Variants in TBX4 observed in about 807,000 individuals in gnomAD.
The protein encoded by TBX4 is T-box transcription factor 4.
Under a neutral mutation model 54.6 loss-of-function variants are expected in TBX4, and 13 were observed. The observed-to-expected ratio is 0.24, with a 90% CI of 0.15 to 0.38. The LOEUF (loss-of-function observed/expected upper bound fraction) is 0.38. Ranked by LOEUF, TBX4 falls within the 10% of genes least tolerant of loss-of-function variation. TBX4 has a pLI of 1.00. For missense variants in TBX4, 631 were observed against 728.5 expected (o/e 0.87, Z 1.54); for synonymous variants, 314 against 306.7 (o/e 1.02, Z -0.25).
intron 5 of TBX4, among the ~76,000 whole-genome samples, chr17:61,477,471 G>A (rs1008352394): frequency 7.9e-5 from 12 of 152,188 alleles, no homozygotes; most frequent in African/African-American, 2.2e-4. Context: ...CCTTGGGATC[G>A]GGGGCCTCTT....
chr17:61,454,941 C>T (rs2060436041), intron 1 of TBX4, among the ~76,000 whole-genome samples: 1 of 152,214 alleles, frequency 6.6e-6, no homozygotes, highest in South Asian at 2.1e-4. Context: ...ATAGTTGGAC[C>T]CAGCGCGCTG....
intron 5 of TBX4, among the ~76,000 whole-genome samples, chr17:61,477,445 C>T (rs1049979909): frequency 1.3e-5 from 2 of 152,232 alleles, no homozygotes; most frequent in Non-Finnish European, 2.9e-5. Flanking sequence ...CCCCAGCCCA[C>T]GGCATCCTCA....
At position 61,484,735 on chromosome 17, in the gene TBX4, A is replaced by C. The variant is rs2060690982; in HGVS notation, c.*1219A>C. The C allele has an allele frequency of 6.9e-6, 1 of 144,410 alleles. No homozygotes were observed. The highest frequency in any genetic ancestry group is 1.5e-5 in the Non-Finnish European group (1 of 65,354). 8.9% of individuals were successfully genotyped at this position (144,410 alleles called of 1,614,324 possible). ...CTCTTTGCATGCTGAATAGCTATTT[A>C]TATATTATATAAATAAATAAATATA... On this transcript the variant is annotated 3_prime_UTR_variant, in exon 9 of 9. Transcript: ENST00000644296. The surrounding 1 kb of genome is among the most constrained non-coding windows in gnomAD (Gnocchi z 4.1).
At chr17:61,468,984 C>T (rs2060556310) in intron 5 of TBX4, among the ~76,000 whole-genome samples, 1 of 152,140 alleles carries the variant, frequency 6.6e-6, no homozygotes, top group Non-Finnish European at 1.5e-5. Flanking sequence ...TGTGGGGAGG[C>T]TAGGGAACCT....
chr17:61,480,317 G>A lies in TBX4; in HGVS notation c.1019G>A (p.Arg340Gln), dbSNP rs778365568. Residue 340 changes from arginine (R) to glutamine (Q), a missense_variant and splice_region_variant, in exon 8 of 9, where the codon CGA (arginine) becomes CAA (glutamine). Coordinates refer to ENST00000644296, the MANE Select transcript of TBX4 (RefSeq NM_001321120.2). The surrounding 1 kb of genome is among the most constrained non-coding windows in gnomAD (Gnocchi z 6.2). Reference sequence around the variant, plus strand: ...CTCTTCTATCACTGCCTGAAAAGACGAGGTAGGGCTCTCCTGGTCTAGAAG... The same window carrying A: ...CTCTTCTATCACTGCCTGAAAAGACAAGGTAGGGCTCTCCTGGTCTAGAAG... ...SSLFYHCLKR[R>Q]ADGTRHLDLP... is the part of the protein sequence containing the mutation. The A allele has an allele frequency of 6.2e-7, 1 of 1,612,872 alleles. No homozygotes were observed. Among genetic ancestry groups the A allele is most frequent in the South Asian group, 1.1e-5 (1 of 91,014 alleles).
At chr17:61,458,559 C>T (rs1377777177) in intron 3 of TBX4, among the ~76,000 whole-genome samples, 3 of 152,132 alleles carry the variant, frequency 2.0e-5, no homozygotes, top group Admixed American at 1.3e-4. Context: ...ATGATGAAGG[C>T]TCAAGTGCCA....
At position 61,474,770 on chromosome 17, in the gene TBX4, A is replaced by C. The variant is rs2060606983; in HGVS notation, c.550-3857A>C. On this transcript the variant is annotated intron_variant, in intron 5 of 8. Transcript: ENST00000644296. This position sits in a 1 kb window ranked among gnomAD's most constrained non-coding sequence, Gnocchi z 4.6. ...ATGTGAAACTCTGGCAAAGTAGTTTAATGTGGCGCCTGAGGAACTTCCGAG... is the reference window on the plus strand; with the variant it reads ...ATGTGAAACTCTGGCAAAGTAGTTTCATGTGGCGCCTGAGGAACTTCCGAG... Among the ~76,000 whole-genome samples, 1 of 152,240 alleles carries C rather than the reference A, an allele frequency of 6.6e-6. No individual in the cohort carries two copies. The highest frequency in any genetic ancestry group is 1.9e-4 in the East Asian group (1 of 5,198).
intron 1 of TBX4, 158 bp from the exon 2 acceptor site, chr17:61,456,330 T>C (rs528386295): frequency 2.1e-6 from 2 of 944,726 alleles, no homozygotes; most frequent in South Asian, 2.9e-5. Context: ...CTGCCTTCCT[T>C]GCGGGTTCCC....
chr17:61,456,349 C>G, intron 1 of TBX4, 139 bp from the exon 2 acceptor site: 3 of 1,177,234 alleles, frequency 2.5e-6, no homozygotes, highest in Non-Finnish European at 3.7e-6. Context: ...CCTCCTCCAG[C>G]TCAGGAGGGG....
In TBX4 at chr17:61,462,886, C is replaced by T. The variant is rs2060507174; in HGVS notation, c.282-2933C>T. ...ACAGCTCCCAAACCCAGCCTGGCCTCTGTCGCCTGAGGCATGCCACGCTGG... is the reference window on the plus strand; with the variant it reads ...ACAGCTCCCAAACCCAGCCTGGCCTTTGTCGCCTGAGGCATGCCACGCTGG... On this transcript the variant is annotated intron_variant, in intron 3 of 8. Coordinates refer to ENST00000644296, the MANE Select transcript of TBX4 (RefSeq NM_001321120.2). The surrounding 1 kb of genome is among the most constrained non-coding windows in gnomAD (Gnocchi z 4.5). The T allele has an allele frequency of 6.6e-6, 1 of 152,382 alleles. No individual in the cohort carries two copies. Among genetic ancestry groups the T allele is most frequent in the African/African-American group, 2.4e-5 (1 of 41,480 alleles). The allele number at this position is 152,382 out of a possible 1,614,324, so 9.4% of individuals were successfully genotyped here.
At position 61,480,396 on chromosome 17, in the gene TBX4, C is replaced by T. The variant is rs768434162; in HGVS notation, c.1021+77C>T. The T allele has an allele frequency of 1.6e-5, 13 of 800,770 alleles. No individual in the cohort carries two copies. The highest frequency in any genetic ancestry group is 7.7e-5 in the South Asian group (4 of 52,080). 49.6% of individuals were successfully genotyped at this position (800,770 alleles called of 1,614,324 possible). A position where few individuals can be genotyped will look rare whatever the true frequency, so the allele number is the denominator to read the frequency against. ...TCTCCCCGAAACCACTCTGCAGCGCCCCCCCCCCCAACACACACACACTCA... is the reference window on the plus strand; with the variant it reads ...TCTCCCCGAAACCACTCTGCAGCGCTCCCCCCCCCAACACACACACACTCA... On this transcript the variant is annotated intron_variant, in intron 8 of 8. Transcript: ENST00000644296. This position sits in a 1 kb window ranked among gnomAD's most constrained non-coding sequence, Gnocchi z 6.2.
At position 61,457,669 on chromosome 17, in the gene TBX4, G is replaced by A; in HGVS notation, c.281+38G>A. On this transcript the variant is annotated intron_variant, in intron 3 of 8. Transcript: ENST00000644296. The surrounding 1 kb of genome is among the most constrained non-coding windows in gnomAD (Gnocchi z 8.2). ...AGATTTACTTCCGGGGATGGCGGTG[G>A]GGAGCAAGGGGGGCCAGGGAGGTCC... 1 of 1,596,614 alleles carries A rather than the reference G, an allele frequency of 6.3e-7. No homozygotes were observed. Among genetic ancestry groups the A allele is most frequent in the Non-Finnish European group, 8.6e-7 (1 of 1,165,216 alleles).
intron 5 of TBX4, among the ~76,000 whole-genome samples, chr17:61,468,241 G>C (rs976791872): frequency 5.9e-5 from 9 of 152,200 alleles, no homozygotes; most frequent in African/African-American, 1.9e-4. Flanking sequence ...GGTCCTTACA[G>C]AAGAGATTCT....
At chr17:61,477,048 G>A (rs138512676) in intron 5 of TBX4, among the ~76,000 whole-genome samples, 7 of 152,348 alleles carry the variant, frequency 4.6e-5, no homozygotes, top group African/African-American at 1.7e-4. Context: ...TCAGTACCAG[G>A]TCCCATCCCT....
chr17:61,466,189 G>A (rs1396147031), intron 4 of TBX4, among the ~76,000 whole-genome samples: 2 of 152,200 alleles, frequency 1.3e-5, no homozygotes, highest in African/African-American at 4.8e-5. Flanking sequence ...GATCGCAAGG[G>A]TCTGTACTCT....
rs901844933 is a variant in TBX4, at chr17:61,484,211, T to C, written c.*695T>C. 1 of 151,966 alleles carries C rather than the reference T, an allele frequency of 6.6e-6. No individual in the cohort carries two copies. Among genetic ancestry groups the C allele is most frequent in the Admixed American group, 6.6e-5 (1 of 15,250 alleles). The allele number at this position is 151,966 out of a possible 1,614,324, so 9.4% of individuals were successfully genotyped here. ...CATGGGCTAAATGTCACCTGAGGGG[T>C]ATTTTTAAAGGGTTTTTTTTTCCCT... On this transcript the variant is annotated 3_prime_UTR_variant, in exon 9 of 9. Transcript: ENST00000644296. The surrounding 1 kb of genome is among the most constrained non-coding windows in gnomAD (Gnocchi z 4.1).
chr17:61,466,788 G>C (rs1290506490), intron 4 of TBX4, among the ~76,000 whole-genome samples: 1 of 152,188 alleles, frequency 6.6e-6, no homozygotes, highest in East Asian at 1.9e-4. Context: ...CCATTGTTTT[G>C]GGGACAAGCC....
chr17:61,480,243 G>A lies in TBX4; in HGVS notation c.945G>A (p.Glu315=), dbSNP rs2060654348. Residue 315 remains glutamate (E), a synonymous_variant, in exon 8 of 9, where the codon GAG becomes GAA. Coordinates refer to ENST00000644296, the MANE Select transcript of TBX4 (RefSeq NM_001321120.2). The surrounding 1 kb of genome is among the most constrained non-coding windows in gnomAD (Gnocchi z 6.2). ...ACGGGGCACACTCACAGCTCGCGGAGCCGCAGGACCTGCCCCTCAGCACCT... is the reference window on the plus strand; with the variant it reads ...ACGGGGCACACTCACAGCTCGCGGAACCGCAGGACCTGCCCCTCAGCACCT... ...HENGAHSQLA[E]PQDLPLSTFP... 1.2e-6 allele frequency: 2 copies of A among 1,614,114 alleles called. No homozygotes were observed. The highest frequency in any genetic ancestry group is 1.1e-5 in the South Asian group (1 of 91,086).
At chr17:61,467,981 C>T (rs1363239578) in intron 5 of TBX4, among the ~76,000 whole-genome samples, 3 of 152,214 alleles carry the variant, frequency 2.0e-5, no homozygotes, top group African/African-American at 4.8e-5. Context: ...AAGCACTTTG[C>T]ACGTAGGAGG....
Sources: allele counts gnomAD v4.1 joint callset (sites outside exome capture counted in the v4.1 genomes callset), GRCh38; gene constraint gnomAD v4.1.1; non-coding constraint Gnocchi (gnomAD v3.1); transcripts MANE v1.5; gene names NCBI Gene and HGNC (gene_info 2026-07-23, HGNC 2026-07-21).